The following KIF26B variants were observed in gnomAD, a reference collection of about 807,000 sequenced individuals.
The protein encoded by KIF26B is kinesin-like protein KIF26B.
In KIF26B, 63 loss-of-function variants were observed where a neutral mutation model predicts 151.2. The observed-to-expected ratio is 0.42, with a 90% CI of 0.34 to 0.51. The LOEUF is 0.51. Ranked by LOEUF, KIF26B falls within the 20% of genes least tolerant of loss-of-function variation. KIF26B has a pLI of 0.07. For synonymous variants in KIF26B, 1,357 were observed against 1,262.1 expected (o/e 1.08, Z -1.59); for missense variants, 2,813 against 2,913.6 (o/e 0.97, Z 0.79).
chr1:245,413,139 G>A (rs1674327605), intron 3 of KIF26B, among the ~76,000 whole-genome samples: 1 of 152,190 alleles, frequency 6.6e-6, no homozygotes, highest in Non-Finnish European at 1.5e-5. Context: ...TAAAGCTTGT[G>A]ATTAGGACCA....
chr1:245,626,681 G>T (rs767372683), intron 9 of KIF26B, among the ~76,000 whole-genome samples: 4 of 152,076 alleles, frequency 2.6e-5, no homozygotes, highest in Non-Finnish European at 4.4e-5. Context: ...TCTGCAGGTT[G>T]TCTCTTTGCT....
At chr1:245,179,916 G>A (rs888094958) in intron 2 of KIF26B, among the ~76,000 whole-genome samples, 20 of 152,208 alleles carry the variant, frequency 1.3e-4, no homozygotes, top group African/African-American at 4.6e-4. Context: ...CTGGCGCATG[G>A]CCTGTGCGGG....
intron 9 of KIF26B, 142 bp downstream of exon 9, chr1:245,612,118 G>GAC: frequency 1.3e-6 from 1 of 784,200 alleles, no homozygotes; most frequent in South Asian, 1.8e-5. Flanking sequence ...GAGAGAGAGA[G>GAC]AGAGAGAGAG....
chr1:245,226,498 A>G (rs1043024526), intron 2 of KIF26B, among the ~76,000 whole-genome samples: 4 of 149,894 alleles, frequency 2.7e-5, no homozygotes, highest in Non-Finnish European at 5.9e-5. Flanking sequence ...TTTTGCTCTT[A>G]GTTGCCCAGG....
At chr1:245,361,342 T>A (rs1672813860) in intron 2 of KIF26B, among the ~76,000 whole-genome samples, 1 of 152,358 alleles carries the variant, frequency 6.6e-6, no homozygotes, top group South Asian at 2.1e-4. Flanking sequence ...TAATTTGGTT[T>A]CTTATGTAGA....
intron 3 of KIF26B, among the ~76,000 whole-genome samples, chr1:245,379,475 AT>A (rs111967663): frequency 0.044 from 6,134 of 140,566 alleles, 301 homozygotes; most frequent in African/African-American, 0.13. Flanking sequence ...CTAGTTTATG[AT>A]TTTTTTTTTT....
intron 4 of KIF26B, among the ~76,000 whole-genome samples, chr1:245,474,713 T>C (rs1254451987): frequency 6.6e-6 from 1 of 151,750 alleles, no homozygotes; most frequent in Non-Finnish European, 1.5e-5. Flanking sequence ...GCACGCAGCC[T>C]CAAACACTGG....
intron 2 of KIF26B, among the ~76,000 whole-genome samples, chr1:245,210,675 G>A (rs955259532): frequency 2.6e-5 from 4 of 152,112 alleles, no homozygotes; most frequent in South Asian, 2.1e-4. Context: ...GGCCATCACC[G>A]TAGGAGGAGA....
intron 2 of KIF26B, among the ~76,000 whole-genome samples, chr1:245,160,845 C>T (rs564327170): frequency 4.0e-4 from 61 of 152,168 alleles, no homozygotes; most frequent in African/African-American, 1.3e-3. Context: ...TCTAAATAGC[C>T]GGAGACCAAG....
intron 4 of KIF26B, among the ~76,000 whole-genome samples, chr1:245,502,713 A>C (rs1026863847): frequency 6.6e-6 from 1 of 152,136 alleles, no homozygotes; most frequent in African/African-American, 2.4e-5. Flanking sequence ...AATATTATCT[A>C]AGTATGAAGA....
At position 245,707,733 on chromosome 1, in the gene KIF26B, T is replaced by C. The variant is rs1296593394; in HGVS notation, c.*5127T>C. ...AGGGCTTAGTTCAAAATCTAAGCTG[T>C]TTCTGTAGTAAGCAGCCAAATGGGA... On this transcript the variant is annotated 3_prime_UTR_variant, in exon 15 of 15. Coordinates refer to ENST00000407071, the MANE Select transcript of KIF26B (RefSeq NM_018012.4). 2 of 152,208 alleles carry C rather than the reference T, an allele frequency of 1.3e-5. No individual in the cohort carries two copies. The highest frequency in any genetic ancestry group is 4.8e-5 in the African/African-American group (2 of 41,454). 9.4% of individuals were successfully genotyped at this position (152,208 alleles called of 1,614,324 possible). A position where few individuals can be genotyped will look rare whatever the true frequency, so the allele number is the denominator to read the frequency against.
chr1:245,248,396 T>G (rs541088129), intron 2 of KIF26B, among the ~76,000 whole-genome samples: 1 of 152,198 alleles, frequency 6.6e-6, no homozygotes, highest in Non-Finnish European at 1.5e-5. Context: ...TCCTCCAGAG[T>G]TGCATTCTGC....
intron 4 of KIF26B, among the ~76,000 whole-genome samples, chr1:245,443,172 G>A (rs1212878629): frequency 6.8e-6 from 1 of 148,010 alleles, no homozygotes; most frequent in East Asian, 2.1e-4. Context: ...ACTTAGAGGA[G>A]AGGTCATCTC....
At chr1:245,566,559 A>G (rs542542311) in intron 5 of KIF26B, among the ~76,000 whole-genome samples, 22 of 152,372 alleles carry the variant, frequency 1.4e-4, no homozygotes, top group Non-Finnish European at 2.9e-5. Context: ...GAGAAAAACA[A>G]AGAAATTAAG....
rs564699801 is a variant in KIF26B at position 245,421,897 on chromosome 1, C to T, written c.1166+2152C>T. Reference sequence around the variant, plus strand: ...GGTCAGGATATCAGAGGAGGATTTACGAACAAGCAAACACACAGCAGGGAA... The same window carrying T: ...GGTCAGGATATCAGAGGAGGATTTATGAACAAGCAAACACACAGCAGGGAA... On this transcript the variant is annotated intron_variant, in intron 4 of 14. Coordinates refer to ENST00000407071, the MANE Select transcript of KIF26B (RefSeq NM_018012.4). 2.6e-5 allele frequency among the ~76,000 whole-genome samples: 4 copies of T among 152,170 alleles called. No individual in the cohort carries two copies. The East Asian group carries it at 5.8e-4, about 22-fold the overall frequency.
intron 4 of KIF26B, among the ~76,000 whole-genome samples, chr1:245,465,495 C>G: frequency 6.6e-6 from 1 of 152,116 alleles, no homozygotes; most frequent in East Asian, 1.9e-4. Context: ...ATTCTATCGA[C>G]CAAAGGATGG....
rs149948418 is a variant in KIF26B at position 245,318,666 on chromosome 1, A to G, written c.466-48168A>G. Among the ~76,000 whole-genome samples, 605 of 152,254 alleles carry G rather than the reference A, an allele frequency of 4.0e-3. 8 individuals are homozygous for G. Among genetic ancestry groups the G allele is most frequent in the African/African-American group, 0.014 (590 of 41,540 alleles). On this transcript the variant is annotated intron_variant, in intron 2 of 14. Coordinates refer to ENST00000407071, the MANE Select transcript of KIF26B (RefSeq NM_018012.4). The surrounding 1 kb of genome is among the most constrained non-coding windows in gnomAD (Gnocchi z 4.0). Reference sequence around the variant, plus strand: ...GAGTTCGGGAGACTCTGGCATATGCATCAGAGTTCCAGAGTGAAAGGTGGC... The same window carrying G: ...GAGTTCGGGAGACTCTGGCATATGCGTCAGAGTTCCAGAGTGAAAGGTGGC...
intron 2 of KIF26B, among the ~76,000 whole-genome samples, chr1:245,264,322 G>A (rs761085276): frequency 1.3e-5 from 2 of 152,182 alleles, no homozygotes; most frequent in South Asian, 2.1e-4. Context: ...GACAATGTAC[G>A]TAAAACACTA....
intron 2 of KIF26B, among the ~76,000 whole-genome samples, chr1:245,219,772 A>G (rs1669726776): frequency 6.6e-6 from 1 of 152,018 alleles, no homozygotes; most frequent in South Asian, 2.1e-4. Flanking sequence ...AAGAAACCAG[A>G]ACACCAGGTG....
Sources: gnomAD v4.1 joint callset for allele counts (sites outside exome capture counted in the v4.1 genomes callset) on GRCh38, gnomAD v4.1.1 for gene constraint, Gnocchi (gnomAD v3.1) non-coding constraint, MANE v1.5 for transcripts, NCBI Gene and HGNC (gene_info 2026-07-23, HGNC 2026-07-21) for gene names.